The following SLC5A12 variants were observed in gnomAD, a reference collection of about 807,000 sequenced individuals.
The protein encoded by SLC5A12 is sodium-coupled monocarboxylate transporter 2.
SLC5A12 carries 46 observed loss-of-function variants against 72.7 expected under a neutral mutation model. The observed-to-expected ratio is 0.63, with a 90% CI of 0.50 to 0.81. The LOEUF (loss-of-function observed/expected upper bound fraction) is 0.81, where lower values mean the gene tolerates loss of function less well. SLC5A12 is among the 30% of genes least tolerant of loss of function. SLC5A12 has a pLI of 0.00. For missense variants in SLC5A12, 683 were observed against 740.7 expected (o/e 0.92, Z 0.90); for synonymous variants, 275 against 264.4 (o/e 1.04, Z -0.39).
At chr11:26,683,132 C>G (rs1278787138) in intron 11 of SLC5A12, among the ~76,000 whole-genome samples, 1 of 152,164 alleles carries the variant, frequency 6.6e-6, no homozygotes, top group Non-Finnish European at 1.5e-5. Flanking sequence ...TTTTGTTAGA[C>G]TGAGAAAATC....
intron 1 of SLC5A12, among the ~76,000 whole-genome samples, chr11:26,720,956 T>C (rs745497556): frequency 2.0e-5 from 3 of 152,196 alleles, no homozygotes; most frequent in African/African-American, 7.2e-5. Context: ...CACTTTACTA[T>C]TCAAAAATCT....
intron 14 of SLC5A12, among the ~76,000 whole-genome samples, chr11:26,672,784 C>T (rs1854173853): frequency 6.6e-6 from 1 of 152,138 alleles, no homozygotes; most frequent in African/African-American, 2.4e-5. Flanking sequence ...CTGATCTAAA[C>T]ACACTTCTTT....
chr11:26,708,644 A>G (rs1389801769), intron 4 of SLC5A12, among the ~76,000 whole-genome samples: 2 of 152,128 alleles, frequency 1.3e-5, no homozygotes, highest in African/African-American at 2.4e-5. Flanking sequence ...TAGGTTGTAC[A>G]TGGTACAATG....
chr11:26,688,772 T>C (rs1406826103), intron 9 of SLC5A12, among the ~76,000 whole-genome samples: 2 of 152,162 alleles, frequency 1.3e-5, no homozygotes, highest in Non-Finnish European at 2.9e-5. Context: ...TAGATGAAGA[T>C]GGATCCGGGT....
intron 9 of SLC5A12, among the ~76,000 whole-genome samples, chr11:26,688,460 G>A (rs1438348725): frequency 2.0e-5 from 3 of 152,192 alleles, no homozygotes; most frequent in Non-Finnish European, 1.5e-5. Context: ...CAGCTACCCA[G>A]TTAGCAAACA....
At chr11:26,675,989 CTCTG>C (rs1398495501) in intron 13 of SLC5A12, among the ~76,000 whole-genome samples, 2 of 122,334 alleles carry the variant, frequency 1.6e-5, no homozygotes, top group East Asian at 4.7e-4. Context: ...GTGTATGTAC[CTCTG>C]TCTGTGTGTG....
intron 9 of SLC5A12, among the ~76,000 whole-genome samples, chr11:26,691,504 TA>T (rs1332573150): frequency 6.6e-6 from 1 of 152,006 alleles, no homozygotes; most frequent in East Asian, 1.9e-4. Flanking sequence ...GAAAAAAATT[TA>T]AAAAGTAACA....
chr11:26,711,108 A>T (rs1185747029), intron 3 of SLC5A12, among the ~76,000 whole-genome samples, 199 bp downstream of exon 3: 1 of 152,152 alleles, frequency 6.6e-6, no homozygotes, highest in Non-Finnish European at 1.5e-5. Flanking sequence ...ATATGAGTCA[A>T]AACCAAGTAA....
chr11:26,686,608 G>A, intron 9 of SLC5A12, 64 bp from the exon 10 acceptor site: 6 of 1,428,430 alleles, frequency 4.2e-6, no homozygotes, highest in Non-Finnish European at 5.9e-6. Context: ...GGGATGCCTT[G>A]AGCCCCCACT....
At chr11:26,712,595 T>TA in intron 2 of SLC5A12, 46 bp downstream of exon 2, 1 of 1,418,528 alleles carries the variant, frequency 7.0e-7, no homozygotes, top group Non-Finnish European at 9.7e-7. Context: ...AACCTATATC[T>TA]AGTAACCTCA....
chr11:26,687,205 T>C (rs553602920), intron 9 of SLC5A12, among the ~76,000 whole-genome samples: 39 of 152,352 alleles, frequency 2.6e-4, no homozygotes, highest in African/African-American at 8.4e-4. Context: ...TTAAAAATAA[T>C]ATCTTCTTCT....
intron 4 of SLC5A12, among the ~76,000 whole-genome samples, chr11:26,707,341 T>A (rs939684707): frequency 2.0e-5 from 3 of 152,024 alleles, no homozygotes; most frequent in Admixed American, 2.0e-4. Flanking sequence ...TAAATCTATA[T>A]ATACTTATAT....
intron 1 of SLC5A12, among the ~76,000 whole-genome samples, chr11:26,713,178 A>T (rs560436317): frequency 7.2e-5 from 11 of 152,264 alleles, no homozygotes; most frequent in South Asian, 6.2e-4. Context: ...AGCTCTGATC[A>T]TGCTGCTCTT....
chr11:26,669,228 C>CTCTCTCTCT lies in SLC5A12; in HGVS notation c.*1873_*1874insAGAGAGAGA, dbSNP rs778074459. On this transcript the variant is annotated 3_prime_UTR_variant, in exon 15 of 15. Transcript: ENST00000396005. ...CTTTCTTTCTTTCTTTCTCTCTCTC[C>CTCTCTCTCT]CTCCCTCTTTCTTTCTCTCTTCTTT... The CTCTCTCTCT allele has an allele frequency of 5.0e-5, 2 of 40,358 alleles. No individual in the cohort carries two copies. Among genetic ancestry groups the CTCTCTCTCT allele is most frequent in the Admixed American group, 2.8e-4 (1 of 3,524 alleles). 2.5% of individuals were successfully genotyped at this position (40,358 alleles called of 1,614,324 possible). A position where few individuals can be genotyped will look rare whatever the true frequency, so the allele number is the denominator to read the frequency against.
At position 26,668,834 on chromosome 11, in the gene SLC5A12, CA is replaced by C; in HGVS notation, c.*2267del. On this transcript the variant is annotated 3_prime_UTR_variant, in exon 15 of 15. Coordinates refer to ENST00000396005, the MANE Select transcript of SLC5A12 (RefSeq NM_178498.4). Reference sequence around the variant, plus strand: ...ATAATTGCATTTTCCAGTTGTATGACATTTTGATAACACTCCAGGTAAGATA... The same window carrying C: ...ATAATTGCATTTTCCAGTTGTATGACTTTTGATAACACTCCAGGTAAGATA... The C allele has an allele frequency of 1.3e-5, 2 of 152,046 alleles. No individual in the cohort carries two copies. Among genetic ancestry groups the C allele is most frequent in the East Asian group, 3.9e-4 (2 of 5,176 alleles). 9.4% of individuals were successfully genotyped at this position (152,046 alleles called of 1,614,324 possible).
At chr11:26,713,946 T>TA (rs932500090) in intron 1 of SLC5A12, among the ~76,000 whole-genome samples, 8 of 152,124 alleles carry the variant, frequency 5.3e-5, no homozygotes, top group Admixed American at 4.6e-4. Flanking sequence ...CCTTTACAGT[T>TA]ACATTGCCTT....
intron 1 of SLC5A12, among the ~76,000 whole-genome samples, chr11:26,714,437 G>A (rs1855302380): frequency 6.6e-6 from 1 of 152,088 alleles, no homozygotes; most frequent in South Asian, 2.1e-4. Flanking sequence ...TGTACTACAA[G>A]AGCTAAAAGT....
At chr11:26,689,492 C>G (rs551314128) in intron 9 of SLC5A12, among the ~76,000 whole-genome samples, 2 of 152,010 alleles carry the variant, frequency 1.3e-5, no homozygotes, top group East Asian at 3.9e-4. Flanking sequence ...AAAATTGGAA[C>G]AGTATTTGCC....
intron 3 of SLC5A12, among the ~76,000 whole-genome samples, chr11:26,710,062 CT>C (rs1376135143): frequency 2.6e-5 from 4 of 152,088 alleles, no homozygotes; most frequent in Non-Finnish European, 5.9e-5. Flanking sequence ...GTTCCCCTCC[CT>C]GTGTCCATGT....
Sources: allele counts gnomAD v4.1 joint callset (sites outside exome capture counted in the v4.1 genomes callset), GRCh38; gene constraint gnomAD v4.1.1; transcripts MANE v1.5; gene names NCBI Gene and HGNC (gene_info 2026-07-23, HGNC 2026-07-21).